CRLF3: variants seen among roughly 807,000 people sequenced by gnomAD.
The protein encoded by CRLF3 is cytokine receptor like factor 3, also known as cytokine receptor-like factor 3.
In CRLF3, 33 loss-of-function variants were observed where a neutral mutation model predicts 55.0. The ratio of observed to expected loss-of-function variants is 0.60; its 90% CI spans 0.46 to 0.80. The LOEUF is 0.80. Among genes scored for constraint, CRLF3 ranks in the 30% least tolerant of loss-of-function variants. The probability of loss-of-function intolerance (pLI) is 0.00; values close to 1 mark genes in which losing one functional copy is unlikely to be tolerated. For missense variants in CRLF3, 494 were observed against 538.4 expected (o/e 0.92, Z 0.82); for synonymous variants, 238 against 196.8 (o/e 1.21, Z -1.75).
intron 6 of CRLF3, among the ~76,000 whole-genome samples, chr17:30,789,737 G>A (rs570647648): frequency 6.6e-6 from 1 of 152,094 alleles, no homozygotes; most frequent in South Asian, 2.1e-4. Context: ...ACTTAAGACA[G>A]TACATGGCAC....
At chr17:30,786,590 A>G (rs1971652777) in intron 6 of CRLF3, 1 of 152,220 alleles carries the variant, frequency 6.6e-6, no homozygotes, top group South Asian at 2.1e-4. Context: ...ATGAGGCACG[A>G]AAAGAAAAAA....
chr17:30,790,963 G>A (rs1193062879), intron 6 of CRLF3: 1 of 152,424 alleles, frequency 6.6e-6, no homozygotes, highest in East Asian at 1.9e-4. Context: ...CAGTCACCCA[G>A]GCTGGAGTAC....
At chr17:30,820,526 C>T (rs1175685729) in intron 1 of CRLF3, among the ~76,000 whole-genome samples, 2 of 152,064 alleles carry the variant, frequency 1.3e-5, no homozygotes, top group South Asian at 4.1e-4. Context: ...CTCACCCAGG[C>T]ACGGTGGTAA....
chr17:30,800,295 G>T (rs1478631826), intron 2 of CRLF3, among the ~76,000 whole-genome samples: 1 of 152,102 alleles, frequency 6.6e-6, no homozygotes, highest in Non-Finnish European at 1.5e-5. Context: ...AATAGATTCA[G>T]ATTTGATATA....
At chr17:30,802,613 T>G (rs1972025828) in intron 2 of CRLF3, among the ~76,000 whole-genome samples, 2 of 149,710 alleles carry the variant, frequency 1.3e-5, no homozygotes, top group Admixed American at 1.3e-4. Context: ...TTTTTTTTTG[T>G]AGCGACAGGC....
chr17:30,796,072 T>A, intron 4 of CRLF3, 88 bp downstream of exon 4: 1 of 865,984 alleles, frequency 1.2e-6, no homozygotes, highest in East Asian at 2.6e-5. Flanking sequence ...AAGAATGTAT[T>A]TAAAAGTAGT....
chr17:30,789,365 C>T (rs573254757), intron 6 of CRLF3, among the ~76,000 whole-genome samples: 35 of 152,250 alleles, frequency 2.3e-4, no homozygotes, highest in African/African-American at 8.4e-4. Context: ...ATAAACCTAA[C>T]TATGCAATCT....
chr17:30,816,488 C>CTTT (rs1183953028), intron 1 of CRLF3, among the ~76,000 whole-genome samples: 18 of 117,478 alleles, frequency 1.5e-4, no homozygotes, highest in South Asian at 5.8e-4. Flanking sequence ...TTCTTTCTTT[C>CTTT]TTTTTTTTTT....
At chr17:30,789,416 A>G (rs1329609644) in intron 6 of CRLF3, among the ~76,000 whole-genome samples, 1 of 152,242 alleles carries the variant, frequency 6.6e-6, no homozygotes, top group Non-Finnish European at 1.5e-5. Flanking sequence ...GAATTTAAAA[A>G]GCAGGAGAGC....
rs552936045 is a variant in CRLF3, at chr17:30,817,798, CAGGAG to C, written c.129+6720_129+6724del. Among the ~76,000 whole-genome samples, 172 of 148,316 alleles carry C rather than the reference CAGGAG, an allele frequency of 1.2e-3. 2 individuals carry two copies. The East Asian group carries it at 0.032, about 28-fold the overall frequency. On this transcript the variant is annotated intron_variant, in intron 1 of 7. Coordinates refer to ENST00000324238, the MANE Select transcript of CRLF3 (RefSeq NM_015986.4). The stretch of plus-strand genomic sequence containing the variant: ...GCAGGCGCCTGTAGTCCCAGCTACT[CAGGAG>C]GCTGAGGCAGGAGAATGGCTTGAAC...
At chr17:30,808,759 A>AT (rs540238874) in intron 1 of CRLF3, among the ~76,000 whole-genome samples, 5 of 150,746 alleles carry the variant, frequency 3.3e-5, no homozygotes, top group Admixed American at 6.6e-5. Flanking sequence ...AGCCCAGCTA[A>AT]TTTTTTTGTA....
chr17:30,796,354 CATGTGTT>C lies in CRLF3; in HGVS notation c.426-24_426-18del, dbSNP rs1290855908. 3 of 1,601,702 alleles carry C rather than the reference CATGTGTT, an allele frequency of 1.9e-6. No individual in the cohort carries two copies. The Admixed American group carries it at 5.1e-5, about 27-fold the overall frequency. On this transcript the variant is annotated intron_variant, in intron 3 of 7. Transcript: ENST00000324238. Reference sequence around the variant, plus strand: ...TCTGGTAAGCTGAGGAAACAAAGCTCATGTGTTATGAGACCTCTAACTGAGAGTTAAA... The same window carrying C: ...TCTGGTAAGCTGAGGAAACAAAGCTCATGAGACCTCTAACTGAGAGTTAAA...
rs1369331717 is a variant in CRLF3 at position 30,789,762 on chromosome 17, TTAAA to T, written c.959+2674_959+2677del. Among the ~76,000 whole-genome samples the T allele has an allele frequency of 9.9e-5, 15 of 152,238 alleles. No homozygotes were observed. The Middle Eastern group carries it at 0.014, about 138-fold the overall frequency. ...GTACATGGCACATAGTAAATACTGTTTAAATATTAACTGCAATTATTATTATTAT... is the reference window on the plus strand; with the variant it reads ...GTACATGGCACATAGTAAATACTGTTTATTAACTGCAATTATTATTATTAT... On this transcript the variant is annotated intron_variant, in intron 6 of 7. Transcript: ENST00000324238.
chr17:30,823,681 C>A (rs1043884735), intron 1 of CRLF3, among the ~76,000 whole-genome samples: 1 of 151,936 alleles, frequency 6.6e-6, no homozygotes, highest in South Asian at 2.1e-4. Flanking sequence ...ATATCTTTTT[C>A]TATATATATT....
intron 1 of CRLF3, among the ~76,000 whole-genome samples, chr17:30,805,751 A>G (rs926606558): frequency 6.6e-6 from 1 of 151,024 alleles, no homozygotes; most frequent in Non-Finnish European, 1.5e-5. Flanking sequence ...GGTCAGGTGC[A>G]GTGGCTCACA....
chr17:30,792,560 C>G lies in CRLF3; in HGVS notation c.839G>C (p.Gly280Ala). 1 of 1,599,088 alleles carries G rather than the reference C, an allele frequency of 6.3e-7. No homozygotes were observed. The highest frequency in any genetic ancestry group is 8.6e-7 in the Non-Finnish European group (1 of 1,167,720). ...ACTGCTCAGACTGTACCCCTCAAAA[C>G]CAGCTGTCCACTCTTTTTCAAAGCA... ...STLVPHEWTA[G>A]FEGYSLSSRR... Residue 280 changes from glycine (G) to alanine (A), a missense_variant, in exon 6 of 8, where the codon GGT (glycine) becomes GCT (alanine). Physicochemically the swap from Gly to Ala is moderately conservative, Grantham distance 60 (BLOSUM62 0). Coordinates refer to ENST00000324238, the MANE Select transcript of CRLF3 (RefSeq NM_015986.4).
chr17:30,808,250 CT>C (rs1156837400), intron 1 of CRLF3, among the ~76,000 whole-genome samples: 1 of 125,650 alleles, frequency 8.0e-6, no homozygotes, highest in African/African-American at 3.0e-5. Context: ...AATTTTTTTT[CT>C]TTCCTCCTCC....
intron 1 of CRLF3, among the ~76,000 whole-genome samples, chr17:30,808,662 G>A (rs181222174): frequency 5.3e-5 from 8 of 151,112 alleles, no homozygotes; most frequent in South Asian, 4.2e-4. Context: ...GCGCCAACTC[G>A]GCTCACTGCA....
chr17:30,803,036 G>A (rs1049113788), intron 2 of CRLF3, among the ~76,000 whole-genome samples: 8 of 151,490 alleles, frequency 5.3e-5, no homozygotes, highest in Non-Finnish European at 1.0e-4. Flanking sequence ...ATGGTGGGAC[G>A]CGCCTGTAAT....
Sources: allele counts gnomAD v4.1 joint callset (sites outside exome capture counted in the v4.1 genomes callset), GRCh38; gene constraint gnomAD v4.1.1; transcripts MANE v1.5; gene names NCBI Gene and HGNC (gene_info 2026-07-23, HGNC 2026-07-21).